Variants in TASP1 observed in about 807,000 individuals in gnomAD.
The protein encoded by TASP1 is threonine aspartase 1.
Under a neutral mutation model 56.6 loss-of-function variants are expected in TASP1, and 16 were observed. The ratio of observed to expected loss-of-function variants is 0.28; its 90% CI spans 0.19 to 0.43. TASP1 has a LOEUF of 0.43. Ranked by LOEUF, TASP1 falls within the 20% of genes least tolerant of loss-of-function variation. The pLI, the probability that TASP1 is intolerant of heterozygous loss-of-function variation, is 1.00. For missense variants in TASP1, 393 were observed against 511.6 expected (o/e 0.77, Z 2.24); for synonymous variants, 179 against 184.2 (o/e 0.97, Z 0.23).
At chr20:13,367,156 T>C in the TASP1 span, among the ~76,000 whole-genome samples, 1 of 152,210 alleles carries the variant, frequency 6.6e-6, no homozygotes, top group Non-Finnish European at 1.5e-5. Flanking sequence ...CTCCCGATTT[T>C]ATATACACAG....
chr20:13,595,468 A>G (rs2147313222), intron 4 of TASP1, among the ~76,000 whole-genome samples: 1 of 152,334 alleles, frequency 6.6e-6, no homozygotes, highest in South Asian at 2.1e-4. Flanking sequence ...AGTGTGCTGT[A>G]TTCAGGAAAC....
At chr20:13,136,142 G>T in the TASP1 span, among the ~76,000 whole-genome samples, 1 of 152,056 alleles carries the variant, frequency 6.6e-6, no homozygotes, top group Non-Finnish European at 1.5e-5. Context: ...AGTCACACAT[G>T]TCCCTCTCTG....
the TASP1 span, among the ~76,000 whole-genome samples, chr20:13,308,098 T>C: frequency 6.6e-6 from 1 of 152,236 alleles, no homozygotes; most frequent in Admixed American, 6.5e-5. Context: ...CTTTCCTGAC[T>C]ACTCCACTCT....
chr20:13,244,029 T>C, the TASP1 span: 2 of 152,244 alleles, frequency 1.3e-5, no homozygotes, highest in African/African-American at 2.4e-5. Flanking sequence ...GTGTAGGCAC[T>C]GGTGATTCAT....
the TASP1 span, among the ~76,000 whole-genome samples, chr20:13,316,921 C>T: frequency 6.6e-6 from 1 of 151,586 alleles, no homozygotes; most frequent in African/African-American, 2.4e-5. Context: ...CATCATACTA[C>T]AAGTCCTATC....
intron 8 of TASP1, among the ~76,000 whole-genome samples, chr20:13,546,956 C>T (rs1002137946): frequency 2.6e-5 from 4 of 152,118 alleles, no homozygotes; most frequent in African/African-American, 9.7e-5. Flanking sequence ...TAGACTAATG[C>T]ATGTTTGAAG....
chr20:13,268,521 G>T, the TASP1 span, among the ~76,000 whole-genome samples: 1 of 152,176 alleles, frequency 6.6e-6, no homozygotes, highest in Non-Finnish European at 1.5e-5. Flanking sequence ...TGGCAGAGAG[G>T]TGGCTGGAAA....
chr20:13,344,774 A>G, the TASP1 span, among the ~76,000 whole-genome samples: 1 of 152,102 alleles, frequency 6.6e-6, no homozygotes, highest in Non-Finnish European at 1.5e-5. Flanking sequence ...CCTTGCCCAC[A>G]GTGCTCGCGC....
At chr20:13,176,799 T>C in the TASP1 span, among the ~76,000 whole-genome samples, 1 of 152,212 alleles carries the variant, frequency 6.6e-6, no homozygotes, top group Non-Finnish European at 1.5e-5. Flanking sequence ...AAATCAGTAG[T>C]GTTTCTGTAT....
the TASP1 span, among the ~76,000 whole-genome samples, chr20:13,258,012 G>A: frequency 2.6e-5 from 4 of 152,136 alleles, no homozygotes; most frequent in Admixed American, 2.0e-4. Flanking sequence ...ATCTGTGGAA[G>A]AGGGGCACTC....
At chr20:13,501,619 G>T (rs2043950777) in intron 10 of TASP1, among the ~76,000 whole-genome samples, 1 of 151,624 alleles carries the variant, frequency 6.6e-6, no homozygotes, top group Non-Finnish European at 1.5e-5. Context: ...TAAAACGAAA[G>T]AATAGAAAAC....
At chr20:13,349,156 G>A in the TASP1 span, among the ~76,000 whole-genome samples, 76 of 152,298 alleles carry the variant, frequency 5.0e-4, no homozygotes, top group African/African-American at 1.8e-3. Flanking sequence ...AGAAATGTCA[G>A]CTCCCTTCTT....
At chr20:13,440,762 T>C (rs533076015) in intron 11 of TASP1, among the ~76,000 whole-genome samples, 2 of 152,198 alleles carry the variant, frequency 1.3e-5, no homozygotes, top group African/African-American at 4.8e-5. Flanking sequence ...CATTTTATTA[T>C]CATTTACAGA....
chr20:13,210,373 G>A, the TASP1 span, among the ~76,000 whole-genome samples: 3 of 152,036 alleles, frequency 2.0e-5, no homozygotes, highest in Non-Finnish European at 4.4e-5. Context: ...CTTCTTAATG[G>A]TATTTTAATG....
chr20:13,387,563 C>CTGA (rs1327777151), downstream of TASP1, among the ~76,000 whole-genome samples: 2 of 152,296 alleles, frequency 1.3e-5, no homozygotes, highest in African/African-American at 4.8e-5. Context: ...TAGTTCACTG[C>CTGA]TGATGGGCAT....
chr20:13,623,564 A>C, intron 3 of TASP1, 50 bp from the exon 4 acceptor site: 1 of 1,288,530 alleles, frequency 7.8e-7, no homozygotes. Context: ...CAACTTCTCA[A>C]ACTTTCCAAA....
the TASP1 span, among the ~76,000 whole-genome samples, chr20:13,325,568 CAGAGAATCGATAATGGGTTT>C: frequency 1.1e-4 from 17 of 152,272 alleles, no homozygotes; most frequent in East Asian, 3.3e-3. Context: ...TAGTTGTCCC[CAGAGAATCGATAATGGGTTT>C]AGACAAAAAC....
At chr20:13,429,137 A>G (rs1158042450) in intron 12 of TASP1, among the ~76,000 whole-genome samples, 1 of 152,224 alleles carries the variant, frequency 6.6e-6, no homozygotes, top group African/African-American at 2.4e-5. Context: ...AAGATTAAGA[A>G]GTGCTGGCCT....
At chr20:13,438,256 ACTACAAGG>A (rs891139539) in intron 11 of TASP1, among the ~76,000 whole-genome samples, 3 of 152,214 alleles carry the variant, frequency 2.0e-5, no homozygotes, top group Non-Finnish European at 2.9e-5. Context: ...TTCAAACTAT[ACTACAAGG>A]CTACAGTAAT....
Sources: gnomAD v4.1 joint callset for allele counts (sites outside exome capture counted in the v4.1 genomes callset) on GRCh38, gnomAD v4.1.1 for gene constraint, MANE v1.5 for transcripts, NCBI Gene and HGNC (gene_info 2026-07-23, HGNC 2026-07-21) for gene names.